The following MED12L variants were observed in gnomAD, a reference collection of about 807,000 sequenced individuals.
MED12L encodes the protein mediator complex subunit 12L, also known as mediator of RNA polymerase II transcription subunit 12-like protein.
MED12L carries 60 observed loss-of-function variants against 281.3 expected under a neutral mutation model. The observed-to-expected ratio is 0.21, with a 90% CI of 0.17 to 0.26. The LOEUF (loss-of-function observed/expected upper bound fraction) is 0.26. Among genes scored for constraint, MED12L ranks in the 10% least tolerant of loss-of-function variants. The pLI, the probability that MED12L is intolerant of heterozygous loss-of-function variation, is 1.00. For synonymous variants in MED12L, 974 were observed against 987.2 expected (o/e 0.99, Z 0.25); for missense variants, 2,146 against 2,680.9 (o/e 0.80, Z 4.41).
At position 151,319,437 on chromosome 3, in the gene MED12L, T is replaced by C. The variant is rs147830876; in HGVS notation, c.2251-30622T>C. On this transcript the variant is annotated intron_variant, in intron 16 of 44. Coordinates refer to ENST00000687756, the MANE Select transcript of MED12L (RefSeq NM_001393769.1). Reference sequence around the variant, plus strand: ...TTACAAACCCCAAATTTATTTTAAATACAGAACATCCAGGTGTGTGTGTGT... The same window carrying C: ...TTACAAACCCCAAATTTATTTTAAACACAGAACATCCAGGTGTGTGTGTGT... Among the ~76,000 whole-genome samples, 25 of 150,040 alleles carry C rather than the reference T, an allele frequency of 1.7e-4. No homozygotes were observed. In the East Asian group the frequency reaches 4.7e-3, roughly 28 times the overall value.
chr3:151,385,202 A>C lies in MED12L; in HGVS notation c.5088+11A>C. 1.6e-6 allele frequency: 2 copies of C among 1,229,550 alleles called. No individual in the cohort carries two copies. Among genetic ancestry groups the C allele is most frequent in the Non-Finnish European group, 2.3e-6 (2 of 868,826 alleles). The allele number at this position is 1,229,550 out of a possible 1,614,324, so 76.2% of individuals were successfully genotyped here. A position where few individuals can be genotyped will look rare whatever the true frequency, so the allele number is the denominator to read the frequency against. On this transcript the variant is annotated intron_variant, in intron 36 of 44. Transcript: ENST00000687756. ...ATAGATAAAAAACAGGCAAGAGTGA[A>C]TGTTTTTTCTTATATATAAATTTAT...
chr3:151,425,101 A>G (rs563737856), intron 43 of MED12L, among the ~76,000 whole-genome samples: 1 of 152,348 alleles, frequency 6.6e-6, no homozygotes, highest in Non-Finnish European at 1.5e-5. Context: ...AAAATCACAC[A>G]TTATCCATAA....
At chr3:151,264,872 T>C (rs1577172514) in intron 16 of MED12L, among the ~76,000 whole-genome samples, 2 of 152,356 alleles carry the variant, frequency 1.3e-5, no homozygotes, top group East Asian at 3.9e-4. Flanking sequence ...CCTGGTTCTC[T>C]GACTGTACCT....
chr3:151,372,275 T>C (rs2108016383), intron 26 of MED12L, among the ~76,000 whole-genome samples: 1 of 152,354 alleles, frequency 6.6e-6, no homozygotes, highest in Non-Finnish European at 1.5e-5. Context: ...CAATGTTCTC[T>C]GATTACTTAG....
chr3:151,368,965 G>C (rs776914906), intron 25 of MED12L, among the ~76,000 whole-genome samples: 2 of 151,956 alleles, frequency 1.3e-5, no homozygotes, highest in South Asian at 4.2e-4. Flanking sequence ...ATTTCACTGT[G>C]TTGGCCAGAC....
chr3:151,166,505 G>T (rs60209219), intron 11 of MED12L, among the ~76,000 whole-genome samples: 1,539 of 152,052 alleles, frequency 0.01, 29 homozygotes, highest in African/African-American at 0.034. Flanking sequence ...AGAGAGAAAG[G>T]GGGGGAGAAA....
chr3:151,283,600 T>G (rs866906599), intron 16 of MED12L, among the ~76,000 whole-genome samples: 31 of 152,236 alleles, frequency 2.0e-4, no homozygotes, highest in Non-Finnish European at 7.3e-5. Flanking sequence ...ATGTGGCCTG[T>G]GTTTCTGTAT....
At chr3:151,169,113 T>G (rs866502949) in intron 11 of MED12L, among the ~76,000 whole-genome samples, 1 of 143,140 alleles carries the variant, frequency 7.0e-6, no homozygotes, top group African/African-American at 2.8e-5. Flanking sequence ...TTTGTTTTTT[T>G]TTTTTTTTGT....
At chr3:151,128,092 G>C (rs749469117) in intron 5 of MED12L, 108 bp downstream of exon 5, 4 of 963,942 alleles carry the variant, frequency 4.1e-6, no homozygotes, top group South Asian at 3.2e-5. Flanking sequence ...GAGAAGGTCC[G>C]TGGTGAGACT....
intron 16 of MED12L, among the ~76,000 whole-genome samples, chr3:151,206,831 A>T (rs1726445216): frequency 6.6e-6 from 1 of 151,192 alleles, no homozygotes; most frequent in Admixed American, 6.6e-5. Context: ...TTTTTAGTAG[A>T]GATGGGGTTT....
chr3:151,087,363 C>T (rs1719397715), intron 2 of MED12L, among the ~76,000 whole-genome samples: 1 of 152,252 alleles, frequency 6.6e-6, no homozygotes, highest in Admixed American at 6.5e-5. Flanking sequence ...TTTCTTCTTG[C>T]CGCTTCGGTA....
chr3:151,403,042 A>T (rs1715882491), intron 39 of MED12L, among the ~76,000 whole-genome samples: 1 of 150,546 alleles, frequency 6.6e-6, no homozygotes. Context: ...TTTTTTAATA[A>T]ATTTTTATAG....
intron 16 of MED12L, among the ~76,000 whole-genome samples, chr3:151,217,362 G>C (rs1021668438): frequency 2.0e-5 from 3 of 152,158 alleles, no homozygotes; most frequent in Non-Finnish European, 2.9e-5. Context: ...CCAGAACTCT[G>C]CTCTCAGATT....
chr3:151,254,322 G>A (rs150245963), intron 16 of MED12L, among the ~76,000 whole-genome samples: 147 of 152,190 alleles, frequency 9.7e-4, no homozygotes, highest in Non-Finnish European at 1.7e-3. Flanking sequence ...TTTCATTCAC[G>A]TAACTAGAGC....
chr3:151,193,695 CCT>C, intron 16 of MED12L, 29 bp downstream of exon 16: 1 of 1,545,242 alleles, frequency 6.5e-7, no homozygotes. Context: ...TAATCTATAC[CCT>C]GATTATTTTA....
At chr3:151,397,565 A>G (rs1577557870) in intron 39 of MED12L, among the ~76,000 whole-genome samples, 2 of 152,216 alleles carry the variant, frequency 1.3e-5, no homozygotes, top group African/African-American at 4.8e-5. Context: ...GCAGAAAAAA[A>G]TTCTTCTGAT....
At chr3:151,224,082 C>T (rs1488058952) in intron 16 of MED12L, among the ~76,000 whole-genome samples, 1 of 152,112 alleles carries the variant, frequency 6.6e-6, no homozygotes, top group Admixed American at 6.5e-5. Flanking sequence ...TTAGTGTCTG[C>T]ACTTCTGTTT....
chr3:151,093,380 T>C (rs1237220689), intron 2 of MED12L, among the ~76,000 whole-genome samples: 1 of 152,144 alleles, frequency 6.6e-6, no homozygotes, highest in East Asian at 1.9e-4. Flanking sequence ...AGCTCAGAAA[T>C]TTGCATTTTA....
intron 16 of MED12L, chr3:151,300,109 T>C (rs1188703257): frequency 1.3e-6 from 2 of 1,599,764 alleles, no homozygotes; most frequent in African/African-American, 1.3e-5. Context: ...ATTCTTCAGT[T>C]GTGATGCACT....
Sources: gnomAD v4.1 joint callset for allele counts (sites outside exome capture counted in the v4.1 genomes callset) on GRCh38, gnomAD v4.1.1 for gene constraint, MANE v1.5 for transcripts, NCBI Gene and HGNC (gene_info 2026-07-23, HGNC 2026-07-21) for gene names.